TRMU: variants seen among roughly 807,000 people sequenced by gnomAD.
TRMU encodes tRNA mitochondrial 2-thiouridylase.
Under a neutral mutation model 46.9 loss-of-function variants are expected in TRMU, and 49 were observed. That is an observed-to-expected ratio of 1.05 (90% CI 0.83 to 1.33). The LOEUF is 1.33. Ranked by LOEUF, TRMU falls within the 40% of genes most tolerant of loss-of-function variation. The pLI, the probability that TRMU is intolerant of heterozygous loss-of-function variation, is 0.00. For synonymous variants in TRMU, 241 were observed against 200.9 expected (o/e 1.20, Z -1.69); for missense variants, 572 against 532.4 (o/e 1.07, Z -0.73).
rs749302637 is a variant in TRMU at position 46,337,820 on chromosome 22, C to A, written c.124C>A (p.Leu42Met). Residue 42 changes from leucine (L) to methionine (M), a missense_variant, in exon 2 of 11, where the codon CTG becomes ATG. Transcript: ENST00000645190. The part of the protein sequence containing the change: ...TGVFMKNWDS[L>M]DEHGVCTADK... ...GGTGTTTATGAAGAACTGGGACTCA[C>A]TGGATGAACATGGGGTCTGTACTGC... is the stretch of plus-strand genomic sequence containing the variant. 1.8e-5 allele frequency: 29 copies of A among 1,614,108 alleles called. No homozygotes were observed. The highest frequency in any genetic ancestry group is 2.5e-5 in the Non-Finnish European group (29 of 1,180,050).
chr22:46,338,048 G>A lies in TRMU; in HGVS notation c.248+104G>A, dbSNP rs997779564. 5.3e-5 allele frequency: 81 copies of A among 1,514,138 alleles called. No individual in the cohort carries two copies. Among genetic ancestry groups the A allele is most frequent in the Middle Eastern group, 1.9e-4 (1 of 5,238 alleles). 93.8% of individuals were successfully genotyped at this position (1,514,138 alleles called of 1,614,324 possible). On this transcript the variant is annotated intron_variant, in intron 2 of 10. Coordinates refer to ENST00000645190, the MANE Select transcript of TRMU (RefSeq NM_018006.5). This position sits in a 1 kb window ranked among gnomAD's most constrained non-coding sequence, Gnocchi z 4.5. Reference sequence around the variant, plus strand: ...ACCGACGCCTGTGCTGCAGCCCAGCGCTCTCCCTCCACGGTGGTGCTGAAG... The same window carrying A: ...ACCGACGCCTGTGCTGCAGCCCAGCACTCTCCCTCCACGGTGGTGCTGAAG...
chr22:46,353,621 T>A (rs1328781628), intron 7 of TRMU, 146 bp from the exon 8 acceptor site: 2 of 713,704 alleles, frequency 2.8e-6, no homozygotes, highest in Non-Finnish European at 5.0e-6. Context: ...CTGGCTTTGG[T>A]GGTTGGAGAA....
chr22:46,336,003 G>C lies in TRMU; in HGVS notation c.82+157G>C. 1 of 1,451,836 alleles carries C rather than the reference G, an allele frequency of 6.9e-7. No homozygotes were observed. Among genetic ancestry groups the C allele is most frequent in the Non-Finnish European group, 9.1e-7 (1 of 1,103,390 alleles). 89.9% of individuals were successfully genotyped at this position (1,451,836 alleles called of 1,614,324 possible). A position where few individuals can be genotyped will look rare whatever the true frequency, so the allele number is the denominator to read the frequency against. ...CCCCGTCCTCTGACTTTGGTTCGGA[G>C]GCTCCTCGCCCTCCACCTGTGTAGT... On this transcript the variant is annotated intron_variant, in intron 1 of 10. Transcript: ENST00000645190. The surrounding 1 kb of genome is among the most constrained non-coding windows in gnomAD (Gnocchi z 4.1).
chr22:46,354,181 G>A (rs866661835), intron 8 of TRMU: 11 of 360,084 alleles, frequency 3.1e-5, no homozygotes, highest in South Asian at 2.4e-4. Context: ...CGGTGGAGAG[G>A]GCATGGCCTC....
chr22:46,343,649 T>C (rs2078180329), intron 3 of TRMU, among the ~76,000 whole-genome samples: 1 of 152,216 alleles, frequency 6.6e-6, no homozygotes, highest in African/African-American at 2.4e-5. Flanking sequence ...GTGCTGAGAT[T>C]ACAAGCGTGA....
At position 46,337,838 on chromosome 22, in the gene TRMU, T is replaced by C. The variant is rs1409664108; in HGVS notation, c.142T>C (p.Cys48Arg). The change falls in exon 2 of 11, where the codon TGT (cysteine) becomes CGT (arginine). Residue 48 changes from cysteine to arginine, a missense_variant. Transcript: ENST00000645190. Reference sequence around the variant, plus strand: ...GGACTCACTGGATGAACATGGGGTCTGTACTGCCGACAAAGACTGTGAAGA... The same window carrying C: ...GGACTCACTGGATGAACATGGGGTCCGTACTGCCGACAAAGACTGTGAAGA... ...NWDSLDEHGV[C>R]TADKDCEDAY... 3.1e-6 allele frequency: 5 copies of C among 1,614,248 alleles called. No homozygotes were observed. Among genetic ancestry groups the C allele is most frequent in the Non-Finnish European group, 4.2e-6 (5 of 1,180,048 alleles).
At chr22:46,344,874 A>G (rs1308250556) in intron 3 of TRMU, among the ~76,000 whole-genome samples, 2 of 152,182 alleles carry the variant, frequency 1.3e-5, no homozygotes, top group African/African-American at 4.8e-5. Flanking sequence ...AGATGAGATT[A>G]TGTGTCTCTA....
In TRMU at chr22:46,350,400, G is replaced by A. The variant is rs1217590092; in HGVS notation, c.588G>A (p.Thr196=). The part of the protein sequence containing the change: ...RRTIFPLGGL[T]KEFVKKIAAE... ...CCATCTTCCCTCTGGGGGGATTAACGAAAGAGTTTGTAAAGAAAATCGCTG... is the reference window on the plus strand; with the variant it reads ...CCATCTTCCCTCTGGGGGGATTAACAAAAGAGTTTGTAAAGAAAATCGCTG... Residue 196 remains threonine (T), a synonymous_variant, in exon 5 of 11, where the codon ACG becomes ACA. Transcript: ENST00000645190. This position sits in a 1 kb window ranked among gnomAD's most constrained non-coding sequence, Gnocchi z 4.6. The A allele has an allele frequency of 3.1e-6, 5 of 1,614,080 alleles. No homozygotes were observed. Among genetic ancestry groups the A allele is most frequent in the Middle Eastern group, 1.6e-4 (1 of 6,084 alleles).
rs1352616432 is a variant in TRMU at position 46,351,439 on chromosome 22, G to A, written c.652-682G>A. On this transcript the variant is annotated intron_variant, in intron 5 of 10. Coordinates refer to ENST00000645190, the MANE Select transcript of TRMU (RefSeq NM_018006.5). This position sits in a 1 kb window ranked among gnomAD's most constrained non-coding sequence, Gnocchi z 6.4. ...TCACCTCTTCAGGGGCCAGTGCGGT[G>A]GGAGCTGTTGCTCCTTCGTGTCTCT... 6.6e-6 allele frequency among the ~76,000 whole-genome samples: 1 copy of A among 151,934 alleles called. No homozygotes were observed. Among genetic ancestry groups the A allele is most frequent in the Non-Finnish European group, 1.5e-5 (1 of 68,026 alleles).
At position 46,356,088 on chromosome 22, in the gene TRMU, G is replaced by T; in HGVS notation, c.1101+16G>T. On this transcript the variant is annotated intron_variant, in intron 10 of 10. Coordinates refer to ENST00000645190, the MANE Select transcript of TRMU (RefSeq NM_018006.5). ...CACAGGACAGGTGCGTGGGGTGTGG[G>T]GGTGAGCCCGGGGAGGACTGTACTG... The T allele has an allele frequency of 6.2e-7, 1 of 1,613,666 alleles. No homozygotes were observed. Among genetic ancestry groups the T allele is most frequent in the South Asian group, 1.1e-5 (1 of 91,064 alleles).
At chr22:46,344,080 C>T (rs983170760) in intron 3 of TRMU, among the ~76,000 whole-genome samples, 4 of 152,098 alleles carry the variant, frequency 2.6e-5, no homozygotes, top group African/African-American at 9.7e-5. Flanking sequence ...GGGCTAACAC[C>T]AAAAACATGA....
At chr22:46,354,250 A>C (rs2078526872) in intron 8 of TRMU, 2 of 305,936 alleles carry the variant, frequency 6.5e-6, no homozygotes, top group Non-Finnish European at 1.3e-5. Flanking sequence ...AGGCAGGTGC[A>C]GATGGCCAAG....
rs112026082 is a variant in TRMU, at chr22:46,351,310, C to T, written c.652-811C>T. ...TTTGAGGACAGCCTGGGCAACACAG[C>T]GAAACTCGTCTCAAAAAGAGAGAAC... On this transcript the variant is annotated intron_variant, in intron 5 of 10. Coordinates refer to ENST00000645190, the MANE Select transcript of TRMU (RefSeq NM_018006.5). This position sits in a 1 kb window ranked among gnomAD's most constrained non-coding sequence, Gnocchi z 6.4. 0.021 allele frequency among the ~76,000 whole-genome samples: 3,171 copies of T among 152,202 alleles called. 47 individuals are homozygous for T. Among genetic ancestry groups the T allele is most frequent in the Non-Finnish European group, 0.029 (1,999 of 68,002 alleles).
chr22:46,349,400 G>A lies in TRMU; in HGVS notation c.479-891G>A, dbSNP rs1376793663. On this transcript the variant is annotated intron_variant, in intron 4 of 10. Transcript: ENST00000645190. This position sits in a 1 kb window ranked among gnomAD's most constrained non-coding sequence, Gnocchi z 4.6. ...CCCTCTCACGGCTAACGTGGGAATC[G>A]GCAGATGGAAAACACTAGCTACGCA... is the stretch of plus-strand genomic sequence containing the variant. Among the ~76,000 whole-genome samples the A allele has an allele frequency of 6.6e-6, 1 of 151,420 alleles. No homozygotes were observed. Among genetic ancestry groups the A allele is most frequent in the African/African-American group, 2.5e-5 (1 of 40,690 alleles).
Position 46,355,524 on chromosome 22 carries a change from C to G in TRMU, c.954C>G (p.Pro318=), listed in dbSNP as rs758271660. The G allele has an allele frequency of 1.2e-6, 2 of 1,613,266 alleles. No individual in the cohort carries two copies. The highest frequency in any genetic ancestry group is 1.7e-6 in the Non-Finnish European group (2 of 1,180,030). The change falls in exon 9 of 11, where the codon CCC becomes CCG. Residue 318 remains proline, a synonymous_variant. Transcript: ENST00000645190. ...SRVHWIAEEP[P]AALVRDKMME... ...TGCACTGGATTGCGGAGGAGCCTCC[C>G]GCAGCACTGGTCCGGGACAAGATGA...
rs1296209860 is a variant in TRMU at position 46,351,542 on chromosome 22, CCT to C, written c.652-576_652-575del. The C allele has an allele frequency of 4.1e-5, 8 of 193,786 alleles. No homozygotes were observed. The highest frequency in any genetic ancestry group is 7.6e-5 in the Non-Finnish European group (7 of 92,496). 12.0% of individuals were successfully genotyped at this position (193,786 alleles called of 1,614,324 possible). A position where few individuals can be genotyped will look rare whatever the true frequency, so the allele number is the denominator to read the frequency against. On this transcript the variant is annotated intron_variant, in intron 5 of 10. Coordinates refer to ENST00000645190, the MANE Select transcript of TRMU (RefSeq NM_018006.5). The surrounding 1 kb of genome is among the most constrained non-coding windows in gnomAD (Gnocchi z 6.4). ...GCACGCCCACCGCCCGTCCTCCTCT[CCT>C]CTTGTTTTCCGTTTCCGGTGTCGCT...
In TRMU at chr22:46,338,801, T is replaced by C. The variant is rs925006794; in HGVS notation, c.248+857T>C. Among the ~76,000 whole-genome samples the C allele has an allele frequency of 1.3e-5, 2 of 151,876 alleles. No individual in the cohort carries two copies. The highest frequency in any genetic ancestry group is 2.9e-5 in the Non-Finnish European group (2 of 67,926). ...TCTGGTGAGCCCTGACTGTGATGAA[T>C]GTCGGGCAGTTGTCGAAGGCGTCTG... On this transcript the variant is annotated intron_variant, in intron 2 of 10. Transcript: ENST00000645190. This position sits in a 1 kb window ranked among gnomAD's most constrained non-coding sequence, Gnocchi z 4.5.
At chr22:46,340,114 T>A (rs1402401907) in intron 2 of TRMU, among the ~76,000 whole-genome samples, 1 of 152,164 alleles carries the variant, frequency 6.6e-6, no homozygotes, top group African/African-American at 2.4e-5. Flanking sequence ...GCAGTAGATC[T>A]GAGGTGCTTG....
rs1400488288 is a variant in TRMU at position 46,347,555 on chromosome 22, G to C, written c.478+1011G>C. ...GTAGAGATGAGGTCTCGTTAATGTT[G>C]TCCGTGCTGGTCTTGAATTCCTGGG... On this transcript the variant is annotated intron_variant, in intron 4 of 10. Transcript: ENST00000645190. This position sits in a 1 kb window ranked among gnomAD's most constrained non-coding sequence, Gnocchi z 5.0. 1 of 152,106 alleles carries C rather than the reference G, an allele frequency of 6.6e-6. No homozygotes were observed. Among genetic ancestry groups the C allele is most frequent in the Non-Finnish European group, 1.5e-5 (1 of 68,082 alleles). The allele number at this position is 152,106 out of a possible 1,614,324, so 9.4% of individuals were successfully genotyped here.
Sources: allele counts gnomAD v4.1 joint callset (sites outside exome capture counted in the v4.1 genomes callset), GRCh38; gene constraint gnomAD v4.1.1; non-coding constraint Gnocchi (gnomAD v3.1); transcripts MANE v1.5; gene names NCBI Gene and HGNC (gene_info 2026-07-23, HGNC 2026-07-21).